ANO6: variants seen among roughly 807,000 people sequenced by gnomAD.
ANO6 encodes anoctamin 6.
A neutral mutation model predicts 117.5 loss-of-function variants in ANO6; 106 were observed. That is an observed-to-expected ratio of 0.90 (90% CI 0.77 to 1.06). The LOEUF is 1.06. Ranked by LOEUF, ANO6 falls within the 50% of genes least tolerant of loss-of-function variation. ANO6 has a pLI of 0.00. For synonymous variants in ANO6, 367 were observed against 385.1 expected (o/e 0.95, Z 0.55); for missense variants, 955 against 1,121.1 (o/e 0.85, Z 2.12).
chr12:45,257,936 T>C (rs975500683), intron 1 of ANO6, among the ~76,000 whole-genome samples: 4 of 152,186 alleles, frequency 2.6e-5, no homozygotes, highest in Non-Finnish European at 5.9e-5. Flanking sequence ...TGGTTTTTTT[T>C]CCAGGTTTAT....
intron 1 of ANO6, among the ~76,000 whole-genome samples, chr12:45,249,095 T>C (rs1947866230): frequency 6.6e-6 from 1 of 152,206 alleles, no homozygotes; most frequent in African/African-American, 2.4e-5. Flanking sequence ...TTTCTGAGGA[T>C]GAAATAACAC....
chr12:45,311,125 TGAA>T (rs1044711115), intron 2 of ANO6, among the ~76,000 whole-genome samples: 117 of 152,138 alleles, frequency 7.7e-4, no homozygotes, highest in African/African-American at 2.6e-3. Context: ...AAATACAAAA[TGAA>T]GAAATGTGTG....
chr12:45,403,298 C>G, intron 14 of ANO6, 57 bp downstream of exon 14: 1 of 1,574,032 alleles, frequency 6.4e-7, no homozygotes, highest in African/African-American at 1.4e-5. Context: ...CTCTCAGTTG[C>G]CCAAATGAAT....
At chr12:45,241,555 A>G (rs1215940079) in intron 1 of ANO6, among the ~76,000 whole-genome samples, 4 of 152,154 alleles carry the variant, frequency 2.6e-5, no homozygotes, top group Non-Finnish European at 2.9e-5. Context: ...ACTTCTGTCA[A>G]CTCGTCAAAG....
intron 1 of ANO6, among the ~76,000 whole-genome samples, chr12:45,241,484 A>T (rs1413000475): frequency 6.6e-6 from 1 of 152,072 alleles, no homozygotes; most frequent in East Asian, 1.9e-4. Flanking sequence ...GTTTCCTTGG[A>T]TGGATTAGAA....
chr12:45,244,407 G>C (rs376341806), intron 1 of ANO6, among the ~76,000 whole-genome samples: 25 of 146,710 alleles, frequency 1.7e-4, no homozygotes, highest in Admixed American at 3.4e-4. Flanking sequence ...TCTATTTGGG[G>C]GGGGGGGGTG....
chr12:45,412,460 G>A (rs952874530), intron 16 of ANO6, among the ~76,000 whole-genome samples: 6 of 152,138 alleles, frequency 3.9e-5, no homozygotes, highest in African/African-American at 1.4e-4. Flanking sequence ...TCCATGTAAT[G>A]AAGATCAGCT....
At chr12:45,419,060 CAGG>C (rs1943287089) in intron 17 of ANO6, among the ~76,000 whole-genome samples, 1 of 152,196 alleles carries the variant, frequency 6.6e-6, no homozygotes, top group South Asian at 2.1e-4. Context: ...GGGCATCAAG[CAGG>C]AATTTGGTAT....
chr12:45,299,278 T>C (rs1468303231), intron 1 of ANO6, among the ~76,000 whole-genome samples: 3 of 152,320 alleles, frequency 2.0e-5, no homozygotes, highest in Admixed American at 6.5e-5. Flanking sequence ...GTTACAACTC[T>C]CTCAGTGTAA....
intron 1 of ANO6, among the ~76,000 whole-genome samples, chr12:45,218,702 C>T (rs1947352692): frequency 6.6e-6 from 1 of 152,120 alleles, no homozygotes; most frequent in Non-Finnish European, 1.5e-5. Flanking sequence ...TGATAGTGGT[C>T]CAAAGCCTTT....
At chr12:45,366,315 T>G (rs1941684576) in intron 8 of ANO6, among the ~76,000 whole-genome samples, 1 of 152,170 alleles carries the variant, frequency 6.6e-6, no homozygotes, top group Non-Finnish European at 1.5e-5. Context: ...CTGTTTCGTT[T>G]CTTGTTTATG....
At chr12:45,292,494 AT>A (rs1487816753) in intron 1 of ANO6, among the ~76,000 whole-genome samples, 2 of 152,214 alleles carry the variant, frequency 1.3e-5, no homozygotes, top group African/African-American at 2.4e-5. Context: ...ACTGCAATAA[AT>A]TTTTTTAAGA....
rs1359559930 is a variant in ANO6 at position 45,293,009 on chromosome 12, T to C, written c.71-9005T>C. 3 of 1,536,296 alleles carry C rather than the reference T, an allele frequency of 2.0e-6. No individual in the cohort carries two copies. The African/African-American group carries it at 4.2e-5, about 21-fold the overall frequency. The stretch of plus-strand genomic sequence containing the variant: ...CAGAGTGCCGGGGAGGCTCCTTTTT[T>C]ATAAATATTGTCCAAATATTTGATG... On this transcript the variant is annotated intron_variant, in intron 1 of 19. Coordinates refer to ENST00000320560, the MANE Select transcript of ANO6 (RefSeq NM_001025356.3).
At chr12:45,275,286 C>T (rs1938519387) in intron 1 of ANO6, among the ~76,000 whole-genome samples, 1 of 152,194 alleles carries the variant, frequency 6.6e-6, no homozygotes, top group Non-Finnish European at 1.5e-5. Flanking sequence ...TCTCGGCTCA[C>T]TGCAACCTCT....
chr12:45,390,326 A>T (rs1372652231), intron 11 of ANO6, 95 bp from the exon 12 acceptor site: 1 of 1,067,950 alleles, frequency 9.4e-7, no homozygotes, highest in East Asian at 2.4e-5. Context: ...CTAATTTTTT[A>T]AAATTAATTC....
chr12:45,355,625 G>A (rs117559046), intron 7 of ANO6, among the ~76,000 whole-genome samples: 12 of 152,276 alleles, frequency 7.9e-5, no homozygotes, highest in Non-Finnish European at 1.6e-4. Flanking sequence ...CCTGCCGTTT[G>A]CCTGCCTTCC....
chr12:45,413,769 G>T (rs573650396), intron 16 of ANO6, among the ~76,000 whole-genome samples: 2 of 151,356 alleles, frequency 1.3e-5, no homozygotes, highest in East Asian at 4.0e-4. Flanking sequence ...AAATACAGAG[G>T]GGGAAGAAAG....
chr12:45,350,083 T>C (rs968207235), intron 6 of ANO6, among the ~76,000 whole-genome samples: 1 of 152,038 alleles, frequency 6.6e-6, no homozygotes, highest in African/African-American at 2.4e-5. Context: ...AGAAGAAAAA[T>C]GAGTCAGAAA....
intron 12 of ANO6, among the ~76,000 whole-genome samples, chr12:45,399,282 G>A (rs377228353): frequency 2.6e-5 from 4 of 152,014 alleles, no homozygotes; most frequent in African/African-American, 4.8e-5. Context: ...TGCAACCTCC[G>A]CCTCCCGCGT....
Sources: gnomAD v4.1 joint callset for allele counts (sites outside exome capture counted in the v4.1 genomes callset) on GRCh38, gnomAD v4.1.1 for gene constraint, MANE v1.5 for transcripts, NCBI Gene and HGNC (gene_info 2026-07-23, HGNC 2026-07-21) for gene names.